Variants in CADM2 observed in about 807,000 individuals in gnomAD.
CADM2 encodes the protein cell adhesion molecule 2.
A neutral mutation model predicts 49.8 loss-of-function variants in CADM2; 12 were observed. That is an observed-to-expected ratio of 0.24 (90% CI 0.15 to 0.39). The LOEUF (loss-of-function observed/expected upper bound fraction) is 0.39. Ranked by LOEUF, CADM2 falls within the 10% of genes least tolerant of loss-of-function variation. The pLI is 1.00. For synonymous variants in CADM2, 214 were observed against 175.4 expected, an observed-to-expected ratio of 1.22 and a Z score of -1.74; for missense variants, 378 against 492.3, an observed-to-expected ratio of 0.77 and a Z score of 2.20.
At chr3:85,344,953 T>C (rs935424983) in intron 1 of CADM2, among the ~76,000 whole-genome samples, 1 of 152,138 alleles carries the variant, frequency 6.6e-6, no homozygotes, top group Non-Finnish European at 1.5e-5. Context: ...GAACACTCTC[T>C]TCCCATTTTA....
intron 2 of CADM2, among the ~76,000 whole-genome samples, chr3:85,780,200 A>C (rs2070567210): frequency 1.3e-5 from 2 of 152,132 alleles, no homozygotes; most frequent in Admixed American, 1.3e-4. Context: ...TAAGGGTGTG[A>C]CTAGTAGGCC....
intron 6 of CADM2, among the ~76,000 whole-genome samples, chr3:85,931,635 C>A (rs1720611822): frequency 6.6e-6 from 1 of 152,018 alleles, no homozygotes; most frequent in Non-Finnish European, 1.5e-5. Context: ...AATGATTGCC[C>A]TTAGCAAAAG....
At chr3:86,014,454 A>G in intron 8 of CADM2, 1 of 1,497,912 alleles carries the variant, frequency 6.7e-7, no homozygotes, top group Non-Finnish European at 8.9e-7. Context: ...TGAGGAAGCC[A>G]CAAATTTGGT....
chr3:86,042,003 A>G (rs1036849912), intron 8 of CADM2, among the ~76,000 whole-genome samples: 3 of 152,222 alleles, frequency 2.0e-5, no homozygotes, highest in South Asian at 2.1e-4. Context: ...AAATGAAGGC[A>G]GAAATAAAGA....
intron 3 of CADM2, among the ~76,000 whole-genome samples, chr3:85,863,653 C>G (rs1477945828): frequency 6.6e-6 from 1 of 152,090 alleles, no homozygotes; most frequent in East Asian, 1.9e-4. Flanking sequence ...GTACCATGAG[C>G]CAAATACATC....
intron 1 of CADM2, among the ~76,000 whole-genome samples, chr3:85,665,898 T>G (rs2065549975): frequency 6.6e-6 from 1 of 151,964 alleles, no homozygotes; most frequent in East Asian, 1.9e-4. Context: ...TTTTTTTTCT[T>G]GATCTCTTTG....
At chr3:86,034,952 T>C (rs919146548) in intron 8 of CADM2, among the ~76,000 whole-genome samples, 1 of 152,048 alleles carries the variant, frequency 6.6e-6, no homozygotes, top group Non-Finnish European at 1.5e-5. Flanking sequence ...TATTTGTCTC[T>C]CACCTAGATG....
chr3:85,508,905 T>C (rs1006414212), intron 1 of CADM2, among the ~76,000 whole-genome samples: 14 of 151,946 alleles, frequency 9.2e-5, no homozygotes, highest in African/African-American at 3.4e-4. Context: ...AAACAGTGGC[T>C]GGAGATCAAT....
At chr3:85,550,840 A>T (rs1442059465) in intron 1 of CADM2, among the ~76,000 whole-genome samples, 1 of 152,140 alleles carries the variant, frequency 6.6e-6, no homozygotes, top group East Asian at 1.9e-4. Flanking sequence ...GCCACAGGCC[A>T]TTCAGTCCTT....
intron 1 of CADM2, among the ~76,000 whole-genome samples, chr3:85,715,964 A>G (rs1252483086): frequency 1.3e-5 from 2 of 152,202 alleles, no homozygotes. Flanking sequence ...TGCAATACAC[A>G]TGTGTGTGCC....
At chr3:85,380,020 G>T (rs2107350397) in intron 1 of CADM2, among the ~76,000 whole-genome samples, 1 of 152,082 alleles carries the variant, frequency 6.6e-6, no homozygotes, top group African/African-American at 2.4e-5. Context: ...TGAAAAACAT[G>T]TCCAATGACA....
At chr3:85,922,812 A>G (rs1182800760) in intron 6 of CADM2, among the ~76,000 whole-genome samples, 5 of 149,188 alleles carry the variant, frequency 3.4e-5, no homozygotes, top group Non-Finnish European at 5.9e-5. Flanking sequence ...TAAAACTAAA[A>G]TATATATTTT....
intron 1 of CADM2, among the ~76,000 whole-genome samples, chr3:85,100,985 G>A (rs1293520426): frequency 1.3e-5 from 2 of 152,150 alleles, no homozygotes; most frequent in Non-Finnish European, 2.9e-5. Context: ...GCTGCATGTG[G>A]TGGCTCACGA....
intron 1 of CADM2, among the ~76,000 whole-genome samples, chr3:85,565,593 T>C (rs2062232680): frequency 6.6e-6 from 1 of 152,064 alleles, no homozygotes. Context: ...ACAATGCTCA[T>C]ATCTCTCTGT....
chr3:85,289,858 C>T (rs918093643), intron 1 of CADM2, among the ~76,000 whole-genome samples: 15 of 152,232 alleles, frequency 9.9e-5, no homozygotes, highest in African/African-American at 1.9e-4. Context: ...CTAAAATCAT[C>T]GCCTCTTAAA....
chr3:85,524,418 T>C (rs180691117), intron 1 of CADM2, among the ~76,000 whole-genome samples: 16 of 152,238 alleles, frequency 1.1e-4, no homozygotes, highest in Admixed American at 2.0e-4. Context: ...TTTCATTTAG[T>C]TATTTATATG....
intron 1 of CADM2, among the ~76,000 whole-genome samples, chr3:85,693,963 A>G (rs1156305463): frequency 6.6e-6 from 1 of 151,888 alleles, no homozygotes; most frequent in African/African-American, 2.4e-5. Context: ...TAATACATGT[A>G]TATTTTTTGA....
At chr3:85,588,747 T>C (rs2063016655) in intron 1 of CADM2, among the ~76,000 whole-genome samples, 1 of 151,938 alleles carries the variant, frequency 6.6e-6, no homozygotes. Flanking sequence ...TTGAGGCCAG[T>C]AAGAAAAGGC....
intron 3 of CADM2, among the ~76,000 whole-genome samples, chr3:85,843,316 C>A (rs1650729722): frequency 6.6e-6 from 1 of 151,984 alleles, no homozygotes; most frequent in Non-Finnish European, 1.5e-5. Context: ...TCATCTAACC[C>A]CAGCCTTAGT....
Sources: gnomAD v4.1 joint callset for allele counts (sites outside exome capture counted in the v4.1 genomes callset) on GRCh38, gnomAD v4.1.1 for gene constraint, MANE v1.5 for transcripts, NCBI Gene and HGNC (gene_info 2026-07-23, HGNC 2026-07-21) for gene names.